NRXN3: variants seen among roughly 807,000 people sequenced by gnomAD.
NRXN3 encodes the protein neurexin 3, also known as neurexin III.
In NRXN3, 32 loss-of-function variants were observed where a neutral mutation model predicts 137.6. The observed-to-expected ratio is 0.23, with a 90% confidence interval of 0.18 to 0.31. NRXN3 has a LOEUF of 0.31. NRXN3 is among the 10% of genes least tolerant of loss of function. The pLI, the probability that NRXN3 is intolerant of heterozygous loss-of-function variation, is 1.00. For missense variants in NRXN3, 1,574 were observed against 2,062.5 expected (o/e 0.76, Z 4.59); for synonymous variants, 798 against 784.5 (o/e 1.02, Z -0.29).
At chr14:79,116,336 C>A (rs938321456) in intron 15 of NRXN3, among the ~76,000 whole-genome samples, 1 of 152,196 alleles carries the variant, frequency 6.6e-6, no homozygotes, top group Non-Finnish European at 1.5e-5. Flanking sequence ...ATTACAGAGG[C>A]ATCTGCAGAC....
intron 4 of NRXN3, among the ~76,000 whole-genome samples, chr14:78,445,107 G>A (rs968236462): frequency 7.9e-5 from 12 of 152,088 alleles, no homozygotes; most frequent in African/African-American, 2.9e-4. Context: ...CTAAAACTTG[G>A]AGTCATCCTG....
intron 19 of NRXN3, among the ~76,000 whole-genome samples, chr14:79,781,211 C>T (rs536517072): frequency 2.6e-5 from 4 of 152,048 alleles, no homozygotes; most frequent in Non-Finnish European, 5.9e-5. Flanking sequence ...TATTTAATTC[C>T]TGATCACTAG....
intron 16 of NRXN3, among the ~76,000 whole-genome samples, chr14:79,543,735 G>C (rs548837253): frequency 2.0e-4 from 31 of 152,322 alleles, no homozygotes; most frequent in Middle Eastern, 6.8e-3. Context: ...GAGTGAAGCA[G>C]GCCAGGTGGC....
intron 16 of NRXN3, among the ~76,000 whole-genome samples, chr14:79,529,192 T>G (rs2097148203): frequency 6.6e-6 from 1 of 152,156 alleles, no homozygotes; most frequent in Non-Finnish European, 1.5e-5. Context: ...CACTAAAGAT[T>G]TCACGTGAAA....
chr14:79,558,417 C>A (rs1354623391), intron 16 of NRXN3, among the ~76,000 whole-genome samples: 1 of 152,094 alleles, frequency 6.6e-6, no homozygotes, highest in Non-Finnish European at 1.5e-5. Context: ...ATTCCTTGAT[C>A]CATGAACTGC....
At chr14:79,593,352 C>G (rs560406161) in intron 16 of NRXN3, among the ~76,000 whole-genome samples, 1 of 152,106 alleles carries the variant, frequency 6.6e-6, no homozygotes, top group African/African-American at 2.4e-5. Flanking sequence ...TTGAGAAGGC[C>G]GGGTGTGGTG....
At chr14:78,179,842 G>GTT (rs796341902) in intron 1 of NRXN3, among the ~76,000 whole-genome samples, 71 of 109,132 alleles carry the variant, frequency 6.5e-4, no homozygotes, top group Admixed American at 1.5e-3. Flanking sequence ...CTGTTTTTTT[G>GTT]TTTTTTTTTT....
chr14:78,746,853 A>G lies in NRXN3; in HGVS notation c.2044+31714A>G, dbSNP rs552390052. Reference sequence around the variant, plus strand: ...TGCCTTTGCAACATATTTTTCAAGTAAAGTGTTGACACAATTTTTGTTAAG... The same window carrying G: ...TGCCTTTGCAACATATTTTTCAAGTGAAGTGTTGACACAATTTTTGTTAAG... On this transcript the variant is annotated intron_variant, in intron 8 of 20. Coordinates refer to ENST00000335750, the MANE Select transcript of NRXN3 (RefSeq NM_001330195.2). Among the ~76,000 whole-genome samples the G allele has an allele frequency of 5.9e-5, 9 of 152,356 alleles. No individual in the cohort carries two copies. In the East Asian group the frequency reaches 1.7e-3, roughly 29 times the overall value.
intron 15 of NRXN3, among the ~76,000 whole-genome samples, chr14:79,287,244 A>T (rs546596707): frequency 2.6e-5 from 4 of 152,208 alleles, no homozygotes; most frequent in African/African-American, 9.6e-5. Context: ...AGAACACAGC[A>T]TGGGACAAAA....
Position 78,879,968 on chromosome 14 carries a change from G to A in NRXN3, c.2275+69624G>A, listed in dbSNP as rs892193452. On this transcript the variant is annotated intron_variant, in intron 10 of 20. Coordinates refer to ENST00000335750, the MANE Select transcript of NRXN3 (RefSeq NM_001330195.2). The stretch of plus-strand genomic sequence containing the variant: ...ATAATATAAGAATTGGGCCGGGCGC[G>A]GTGGCTCACGCCTGTAATCCCAGCA... Among the ~76,000 whole-genome samples, 14 of 141,458 alleles carry A rather than the reference G, an allele frequency of 9.9e-5. 1 individual carries two copies. The highest frequency in any genetic ancestry group is 3.5e-4 in the African/African-American group (11 of 31,438). 92.8% of individuals were successfully genotyped at this position (141,458 alleles called of 152,430 possible). A position where few individuals can be genotyped will look rare whatever the true frequency, so the allele number is the denominator to read the frequency against.
chr14:78,234,768 G>A (rs2065944225), intron 1 of NRXN3, among the ~76,000 whole-genome samples: 1 of 151,650 alleles, frequency 6.6e-6, no homozygotes, highest in African/African-American at 2.4e-5. Context: ...TTATTTATCT[G>A]TATGTCTGGA....
chr14:79,674,083 A>G (rs1299460841), intron 17 of NRXN3, among the ~76,000 whole-genome samples: 1 of 151,998 alleles, frequency 6.6e-6, no homozygotes, highest in African/African-American at 2.4e-5. Context: ...ATAAATGCCT[A>G]ATGGAGCCTG....
chr14:78,777,817 C>T (rs1363812896), intron 8 of NRXN3, among the ~76,000 whole-genome samples: 1 of 152,170 alleles, frequency 6.6e-6, no homozygotes, highest in Non-Finnish European at 1.5e-5. Context: ...GGCTGGAGTG[C>T]AGTGGCACCA....
intron 15 of NRXN3, among the ~76,000 whole-genome samples, chr14:79,230,244 G>A (rs2071907611): frequency 6.6e-6 from 1 of 152,080 alleles, no homozygotes; most frequent in Admixed American, 6.6e-5. Context: ...AGAAGGCCTG[G>A]TGTGAGAGGA....
chr14:79,444,519 C>T (rs374359099), intron 15 of NRXN3, among the ~76,000 whole-genome samples: 9 of 152,320 alleles, frequency 5.9e-5, no homozygotes, highest in East Asian at 1.9e-4. Flanking sequence ...TCCAGTGCAT[C>T]AGATGAATCA....
At chr14:78,642,361 T>A (rs1353932289) in intron 4 of NRXN3, among the ~76,000 whole-genome samples, 1 of 152,188 alleles carries the variant, frequency 6.6e-6, no homozygotes, top group African/African-American at 2.4e-5. Context: ...TTTGACAGAC[T>A]CCTTGCTCTA....
chr14:78,800,028 T>C (rs745945135), intron 8 of NRXN3, among the ~76,000 whole-genome samples: 1 of 152,144 alleles, frequency 6.6e-6, no homozygotes, highest in Non-Finnish European at 1.5e-5. Flanking sequence ...GCAATCTGAA[T>C]AGAAGAAATA....
intron 15 of NRXN3, among the ~76,000 whole-genome samples, chr14:79,077,813 T>C (rs1353993080): frequency 3.9e-5 from 6 of 152,100 alleles, no homozygotes; most frequent in Admixed American, 6.6e-5. Context: ...ATTTGCTCCA[T>C]TTACATTATA....
At chr14:79,126,585 T>C (rs36127200) in intron 15 of NRXN3, among the ~76,000 whole-genome samples, 54,342 of 151,860 alleles carry the variant, frequency 0.36, 10,352 homozygotes, top group Admixed American at 0.53. Flanking sequence ...TGTTGGACAT[T>C]TGGGTTGGTT....
Sources: allele counts gnomAD v4.1 joint callset (sites outside exome capture counted in the v4.1 genomes callset), GRCh38; gene constraint gnomAD v4.1.1; transcripts MANE v1.5; gene names NCBI Gene and HGNC (gene_info 2026-07-23, HGNC 2026-07-21).